The following ECT2L variants were observed in gnomAD, a reference collection of about 807,000 sequenced individuals.
ECT2L encodes the protein epithelial cell transforming 2 like, also known as epithelial cell-transforming sequence 2 oncogene-like.
Under a neutral mutation model 122.8 loss-of-function variants are expected in ECT2L, and 126 were observed. The ratio of observed to expected loss-of-function variants is 1.03; its 90% CI spans 0.89 to 1.19. ECT2L has a LOEUF of 1.19. ECT2L is among the 50% of genes most tolerant of loss of function. The pLI, the probability that ECT2L is intolerant of heterozygous loss-of-function variation, is 0.00. For synonymous variants in ECT2L, 385 were observed against 381.8 expected, an observed-to-expected ratio of 1.01 and a Z score of -0.10; for missense variants, 1,012 against 1,064.1, an observed-to-expected ratio of 0.95 and a Z score of 0.68.
intron 1 of ECT2L, among the ~76,000 whole-genome samples, chr6:138,811,727 T>A (rs1775905635): frequency 6.6e-6 from 1 of 152,202 alleles, no homozygotes; most frequent in South Asian, 2.1e-4. Context: ...ATGTCAGTGA[T>A]GGAGTGCAGT....
chr6:138,802,025 C>T (rs1210882833), intron 1 of ECT2L, among the ~76,000 whole-genome samples: 3 of 152,208 alleles, frequency 2.0e-5, no homozygotes, highest in Non-Finnish European at 2.9e-5. Flanking sequence ...GAGGTTACGC[C>T]ACACAAGGGC....
In ECT2L at chr6:138,885,774, G is replaced by A; in HGVS notation, c.2203G>A (p.Gly735Arg). ...TACCCCTGCAGAGCATGTTGACCGT[G>A]GGGACTTGACCACTGCAATTGACCA... Reference protein sequence around the residue: ...LHTPAEHVDRGDLTTAIDQIK... With the variant: ...LHTPAEHVDRRDLTTAIDQIK... Residue 735 changes from glycine to arginine, a missense_variant, in exon 18 of 22, where the codon GGG becomes AGG. Gly to Arg is a moderately radical substitution (Grantham distance 125). Transcript: ENST00000541398. 1.2e-6 allele frequency: 2 copies of A among 1,614,108 alleles called. No homozygotes were observed. The highest frequency in any genetic ancestry group is 1.7e-6 in the Non-Finnish European group (2 of 1,180,024).
intron 3 of ECT2L, 144 bp downstream of exon 3, chr6:138,813,484 T>C: frequency 1.5e-6 from 1 of 672,742 alleles, no homozygotes; most frequent in Non-Finnish European, 2.4e-6. Context: ...TAAACTTAGC[T>C]TTGTCCCAAA....
intron 8 of ECT2L, among the ~76,000 whole-genome samples, chr6:138,848,101 G>A (rs1056494485): frequency 6.6e-5 from 10 of 152,102 alleles, no homozygotes; most frequent in African/African-American, 1.4e-4. Flanking sequence ...AACGGCATGC[G>A]GGAAACTGCC....
intron 4 of ECT2L, among the ~76,000 whole-genome samples, chr6:138,835,804 C>T (rs943687231): frequency 6.6e-6 from 1 of 152,194 alleles, no homozygotes; most frequent in African/African-American, 2.4e-5. Context: ...ATTGCTCCAG[C>T]AATGTCCTTT....
intron 4 of ECT2L, among the ~76,000 whole-genome samples, chr6:138,834,142 G>A (rs1021941174): frequency 3.9e-5 from 6 of 152,172 alleles, no homozygotes; most frequent in Non-Finnish European, 7.3e-5. Context: ...GTGGCACACT[G>A]CAAAGCATTA....
At chr6:138,890,620 AT>A (rs1778991379) in intron 20 of ECT2L, among the ~76,000 whole-genome samples, 2 of 148,974 alleles carry the variant, frequency 1.3e-5, no homozygotes, top group Admixed American at 1.4e-4. Context: ...TTCTATGATG[AT>A]TCCAGTTTTT....
chr6:138,901,058 A>G lies in ECT2L; in HGVS notation c.2525A>G (p.Tyr842Cys). The G allele has an allele frequency of 6.2e-7, 1 of 1,614,116 alleles. No individual in the cohort carries two copies. The highest frequency in any genetic ancestry group is 1.1e-5 in the South Asian group (1 of 91,070). ...TPFERTSKTT[Y>C]QFIASVALHR... ...TTTGAGAGGACTTCAAAAACAACCT[A>G]CCAGTTCATTGCATCAGTGGCCCTT... is the stretch of plus-strand genomic sequence containing the variant. The change falls in exon 21 of 22, where the codon TAC (tyrosine) becomes TGC (cysteine). Residue 842 changes from tyrosine (Y) to cysteine (C), a missense_variant. Transcript: ENST00000541398.
rs117059875 is a variant in ECT2L at position 138,847,181 on chromosome 6, A to T, written c.903+504A>T. ...GCTACTCGGGAGAGTGAGGCATGAGAATCGCTTGAACCCAGGAGATGGATG... is the reference window on the plus strand; with the variant it reads ...GCTACTCGGGAGAGTGAGGCATGAGTATCGCTTGAACCCAGGAGATGGATG... On this transcript the variant is annotated intron_variant, in intron 8 of 21. Coordinates refer to ENST00000541398, the MANE Select transcript of ECT2L (RefSeq NM_001077706.3). Among the ~76,000 whole-genome samples the T allele has an allele frequency of 1.3e-4, 20 of 151,130 alleles. No homozygotes were observed. The East Asian group carries it at 3.9e-3, about 30-fold the overall frequency.
intron 20 of ECT2L, among the ~76,000 whole-genome samples, chr6:138,898,791 C>T (rs564708392): frequency 6.6e-6 from 1 of 152,288 alleles, no homozygotes; most frequent in African/African-American, 2.4e-5. Context: ...GCAGTCCCCC[C>T]TTATCCATGA....
chr6:138,895,499 A>G (rs1246153565), intron 20 of ECT2L, among the ~76,000 whole-genome samples: 1 of 152,172 alleles, frequency 6.6e-6, no homozygotes, highest in Non-Finnish European at 1.5e-5. Flanking sequence ...TTGGACCAGA[A>G]GGTAGAAAGG....
At chr6:138,861,344 A>C (rs746921954) in intron 10 of ECT2L, among the ~76,000 whole-genome samples, 5 of 152,196 alleles carry the variant, frequency 3.3e-5, no homozygotes, top group Non-Finnish European at 7.3e-5. Context: ...CACTCCCACC[A>C]ACAATGGAAA....
At chr6:138,880,886 G>C in intron 14 of ECT2L, 71 bp from the exon 15 acceptor site, 1 of 1,389,336 alleles carries the variant, frequency 7.2e-7, no homozygotes, top group Non-Finnish European at 1.0e-6. Flanking sequence ...GGGGGTCTCC[G>C]TGTAGCTGCC....
At chr6:138,869,576 T>C (rs1778173208) in intron 13 of ECT2L, among the ~76,000 whole-genome samples, 1 of 152,198 alleles carries the variant, frequency 6.6e-6, no homozygotes, top group African/African-American at 2.4e-5. Context: ...GCCTTGCTGA[T>C]AAAATGAGCA....
chr6:138,873,094 T>C (rs1159184483), intron 13 of ECT2L, among the ~76,000 whole-genome samples: 1 of 152,230 alleles, frequency 6.6e-6, no homozygotes, highest in Non-Finnish European at 1.5e-5. Context: ...GAACAGCTCA[T>C]TATGTTCATA....
At chr6:138,808,419 TA>T (rs1332238206) in intron 1 of ECT2L, among the ~76,000 whole-genome samples, 1 of 151,592 alleles carries the variant, frequency 6.6e-6, no homozygotes, top group Non-Finnish European at 1.5e-5. Flanking sequence ...TAATTTTCTT[TA>T]AAAAATTTTG....
At chr6:138,871,021 C>A (rs1200836611) in intron 13 of ECT2L, among the ~76,000 whole-genome samples, 4 of 152,122 alleles carry the variant, frequency 2.6e-5, no homozygotes, top group African/African-American at 9.7e-5. Context: ...CACTTTACTC[C>A]ACCCTGGGTG....
chr6:138,867,812 A>G (rs1171213484), intron 12 of ECT2L, among the ~76,000 whole-genome samples: 1 of 151,090 alleles, frequency 6.6e-6, no homozygotes, highest in Non-Finnish European at 1.5e-5. Context: ...CTGGGTGACA[A>G]GAGCGAGACT....
intron 4 of ECT2L, among the ~76,000 whole-genome samples, chr6:138,832,119 T>A (rs1195498113): frequency 6.6e-6 from 1 of 152,184 alleles, no homozygotes; most frequent in Non-Finnish European, 1.5e-5. Flanking sequence ...GTTTCAAGTT[T>A]ATTATCCAAC....
Sources: gnomAD v4.1 joint callset for allele counts (sites outside exome capture counted in the v4.1 genomes callset) on GRCh38, gnomAD v4.1.1 for gene constraint, MANE v1.5 for transcripts, NCBI Gene and HGNC (gene_info 2026-07-23, HGNC 2026-07-21) for gene names.